The following HYCC2 variants were observed in gnomAD, a reference collection of about 807,000 sequenced individuals.
HYCC2 encodes the protein hyccin 2.
At chr2:201,017,741 C>G in the HYCC2 span, among the ~76,000 whole-genome samples, 1 of 152,096 alleles carries the variant, frequency 6.6e-6, no homozygotes, top group Non-Finnish European at 1.5e-5. Flanking sequence ...CAGAAGAATC[C>G]TATGTAAATC....
the HYCC2 span, among the ~76,000 whole-genome samples, chr2:201,025,995 C>G: frequency 6.6e-6 from 1 of 152,134 alleles, no homozygotes; most frequent in African/African-American, 2.4e-5. Context: ...GGGCTAAATG[C>G]TCCAATTAAA....
the HYCC2 span, chr2:200,997,664 C>T: frequency 1.6e-6 from 1 of 611,140 alleles, no homozygotes. Flanking sequence ...GCATCTTCCT[C>T]AAAGGTTTCC....
the HYCC2 span, among the ~76,000 whole-genome samples, chr2:201,024,674 T>C: frequency 2.6e-5 from 4 of 151,938 alleles, no homozygotes; most frequent in East Asian, 3.9e-4. Flanking sequence ...CAGAACAAAC[T>C]ACACATCATA....
At chr2:200,980,896 C>T in the HYCC2 span, 7 of 196,444 alleles carry the variant, frequency 3.6e-5, no homozygotes, top group Non-Finnish European at 7.4e-5. Context: ...AAACAAAAGC[C>T]AAAGAATCGT....
the HYCC2 span, among the ~76,000 whole-genome samples, chr2:201,008,584 G>A: frequency 6.9e-6 from 1 of 145,590 alleles, no homozygotes; most frequent in Non-Finnish European, 1.5e-5. Flanking sequence ...AACATAACTA[G>A]ACTCTGTCTC....
chr2:201,063,240 C>G, the HYCC2 span: 1 of 1,596,906 alleles, frequency 6.3e-7, no homozygotes, highest in East Asian at 2.2e-5. Context: ...GATCCAAACA[C>G]CAAGTGCTCC....
At chr2:201,055,690 CCT>C in the HYCC2 span, among the ~76,000 whole-genome samples, 1 of 151,944 alleles carries the variant, frequency 6.6e-6, no homozygotes, top group Admixed American at 6.6e-5. Flanking sequence ...AGAGTGAAAC[CCT>C]GTCTCTAAAA....
the HYCC2 span, among the ~76,000 whole-genome samples, chr2:201,024,217 G>A: frequency 6.9e-3 from 1,049 of 152,144 alleles, 12 homozygotes; most frequent in African/African-American, 0.024. Flanking sequence ...CTGGCTGGGC[G>A]TGGTGGCTCA....
chr2:201,022,840 T>C, the HYCC2 span: 2 of 1,600,462 alleles, frequency 1.2e-6, no homozygotes, highest in East Asian at 2.2e-5. Flanking sequence ...CCTCATTATT[T>C]GAATCTTGAA....
the HYCC2 span, among the ~76,000 whole-genome samples, chr2:201,050,159 A>G: frequency 2.4e-3 from 366 of 151,942 alleles, 3 homozygotes; most frequent in African/African-American, 8.5e-3. Flanking sequence ...GGCTGTAGTG[A>G]GCCATAACTG....
At chr2:200,998,339 T>A in the HYCC2 span, among the ~76,000 whole-genome samples, 2 of 152,338 alleles carry the variant, frequency 1.3e-5, no homozygotes, top group East Asian at 3.9e-4. Context: ...TATGCTTTTT[T>A]ACTTGGGTGA....
At chr2:201,045,791 CAGAA>C in the HYCC2 span, among the ~76,000 whole-genome samples, 1 of 152,060 alleles carries the variant, frequency 6.6e-6, no homozygotes, top group Non-Finnish European at 1.5e-5. Context: ...ATTTTGAAGA[CAGAA>C]AGTCTGAATT....
the HYCC2 span, among the ~76,000 whole-genome samples, chr2:201,019,871 C>A: frequency 7.3e-3 from 1,114 of 152,190 alleles, 8 homozygotes; most frequent in African/African-American, 0.025. Flanking sequence ...GGGAGGATCG[C>A]TTGAGCCCAG....
At chr2:201,016,060 T>A in the HYCC2 span, among the ~76,000 whole-genome samples, 1 of 152,186 alleles carries the variant, frequency 6.6e-6, no homozygotes, top group Non-Finnish European at 1.5e-5. Context: ...GTGCCACACA[T>A]GTAATTCTCC....
chr2:201,038,121 A>T, the HYCC2 span, among the ~76,000 whole-genome samples: 1 of 152,248 alleles, frequency 6.6e-6, no homozygotes, highest in African/African-American at 2.4e-5. Flanking sequence ...ACATTTATGC[A>T]GCCAAAAGAC....
At chr2:200,990,783 G>A in the HYCC2 span, among the ~76,000 whole-genome samples, 219 of 152,252 alleles carry the variant, frequency 1.4e-3, 1 homozygote, top group African/African-American at 5.0e-3. Flanking sequence ...ATCTTGGACA[G>A]TCTGGTCTTG....
chr2:201,011,488 A>ATTT, the HYCC2 span: 1 of 1,309,804 alleles, frequency 7.6e-7, no homozygotes. Flanking sequence ...GTCAAAAAAT[A>ATTT]TACAAAGATA....
the HYCC2 span, among the ~76,000 whole-genome samples, chr2:201,050,289 T>C: frequency 6.8e-6 from 1 of 147,484 alleles, no homozygotes; most frequent in Non-Finnish European, 1.5e-5. Flanking sequence ...TCTTAAAAAA[T>C]ATAAATTAAA....
chr2:201,038,546 T>G, the HYCC2 span, among the ~76,000 whole-genome samples: 1 of 152,164 alleles, frequency 6.6e-6, no homozygotes, highest in South Asian at 2.1e-4. Flanking sequence ...ATATACACTA[T>G]GGAATACTAT....
Sources: gnomAD v4.1 joint callset for allele counts (sites outside exome capture counted in the v4.1 genomes callset) on GRCh38, gnomAD v4.1.1 for gene constraint, MANE v1.5 for transcripts, NCBI Gene and HGNC (gene_info 2026-07-23, HGNC 2026-07-21) for gene names.